SGCZ: variants seen among roughly 807,000 people sequenced by gnomAD.
The protein encoded by SGCZ is zeta-sarcoglycan.
In SGCZ, 40 loss-of-function variants were observed where a neutral mutation model predicts 41.3. The observed-to-expected ratio is 0.97, with a 90% CI of 0.75 to 1.26. SGCZ has a LOEUF of 1.26. Ranked by LOEUF, SGCZ falls within the 50% of genes most tolerant of loss-of-function variation. SGCZ has a pLI of 0.00. For missense variants in SGCZ, 552 were observed against 369.8 expected (o/e 1.49, Z -4.04); for synonymous variants, 206 against 137.5 (o/e 1.50, Z -3.49).
intron 1 of SGCZ, among the ~76,000 whole-genome samples, chr8:15,107,332 A>T (rs1050885039): frequency 1.7e-4 from 26 of 152,144 alleles, no homozygotes; most frequent in African/African-American, 4.8e-4. Context: ...CCCCAATGTG[A>T]TAATATTGGG....
At chr8:14,462,080 T>C (rs1800916578) in intron 2 of SGCZ, among the ~76,000 whole-genome samples, 1 of 152,096 alleles carries the variant, frequency 6.6e-6, no homozygotes, top group Admixed American at 6.6e-5. Flanking sequence ...CTCCTTAAAA[T>C]ATCATTCTAT....
At chr8:14,610,896 A>T (rs897691585) in intron 1 of SGCZ, among the ~76,000 whole-genome samples, 9 of 152,164 alleles carry the variant, frequency 5.9e-5, no homozygotes, top group Non-Finnish European at 1.0e-4. Flanking sequence ...ATATTTATGG[A>T]ATTGTAACCC....
chr8:14,778,876 G>C (rs143676875), intron 1 of SGCZ, among the ~76,000 whole-genome samples: 154 of 152,280 alleles, frequency 1.0e-3, no homozygotes, highest in African/African-American at 3.6e-3. Flanking sequence ...TTCCTGGAGT[G>C]TAAAGTTATA....
At chr8:14,792,794 C>G (rs532893279) in intron 1 of SGCZ, among the ~76,000 whole-genome samples, 1 of 152,130 alleles carries the variant, frequency 6.6e-6, no homozygotes, top group South Asian at 2.1e-4. Context: ...TTTCCATACC[C>G]TTCTGTTGCT....
chr8:14,374,082 G>A (rs1804014541), intron 2 of SGCZ, among the ~76,000 whole-genome samples: 1 of 152,156 alleles, frequency 6.6e-6, no homozygotes, highest in Non-Finnish European at 1.5e-5. Flanking sequence ...CTCAAGTAAG[G>A]TAAGAAACAC....
chr8:14,656,748 T>G (rs1166198932), intron 1 of SGCZ, among the ~76,000 whole-genome samples: 1 of 151,846 alleles, frequency 6.6e-6, no homozygotes, highest in Admixed American at 6.6e-5. Flanking sequence ...AACTGAAAGT[T>G]TGGGATTTAT....
chr8:15,065,430 T>A (rs1350771627), intron 1 of SGCZ, among the ~76,000 whole-genome samples: 3 of 145,696 alleles, frequency 2.1e-5, no homozygotes, highest in African/African-American at 5.1e-5. Context: ...TTATTATTAT[T>A]ATTATTATTA....
At chr8:14,915,486 T>G (rs1285127851) in intron 1 of SGCZ, among the ~76,000 whole-genome samples, 1 of 151,966 alleles carries the variant, frequency 6.6e-6, no homozygotes, top group Non-Finnish European at 1.5e-5. Context: ...CTTGCACGGG[T>G]GAATGCCAGA....
chr8:14,616,282 C>G (rs1260661909), intron 1 of SGCZ, among the ~76,000 whole-genome samples: 1 of 140,114 alleles, frequency 7.1e-6, no homozygotes, highest in Non-Finnish European at 1.5e-5. Context: ...GACTCTGTCT[C>G]AAAAAAAAAA....
intron 1 of SGCZ, among the ~76,000 whole-genome samples, chr8:14,733,763 A>G (rs1272368815): frequency 6.6e-6 from 1 of 152,218 alleles, no homozygotes; most frequent in African/African-American, 2.4e-5. Flanking sequence ...AAATGGTTCC[A>G]TAAGAAGCCA....
At chr8:14,630,377 C>T (rs770721492) in intron 1 of SGCZ, among the ~76,000 whole-genome samples, 12 of 151,714 alleles carry the variant, frequency 7.9e-5, no homozygotes, top group Non-Finnish European at 1.8e-4. Context: ...GGATTGGCTG[C>T]GATGGAGAGG....
chr8:14,123,800 C>T (rs569584436), intron 5 of SGCZ, among the ~76,000 whole-genome samples: 1 of 152,280 alleles, frequency 6.6e-6, no homozygotes, highest in East Asian at 1.9e-4. Context: ...TCACAGTTAA[C>T]AGGCAAAGGG....
intron 1 of SGCZ, among the ~76,000 whole-genome samples, chr8:14,612,649 C>G (rs1197392156): frequency 6.6e-6 from 1 of 152,120 alleles, no homozygotes; most frequent in Admixed American, 6.6e-5. Context: ...TCAAAGATAA[C>G]AGGAAGGAGT....
At chr8:14,724,666 A>C (rs1471086126) in intron 1 of SGCZ, among the ~76,000 whole-genome samples, 1 of 144,438 alleles carries the variant, frequency 6.9e-6, no homozygotes, top group African/African-American at 2.6e-5. Flanking sequence ...ACAGATTATA[A>C]ATAAAAGAGT....
At chr8:14,241,506 T>C (rs1052215560) in intron 3 of SGCZ, among the ~76,000 whole-genome samples, 1 of 148,388 alleles carries the variant, frequency 6.7e-6, no homozygotes, top group Admixed American at 6.8e-5. Flanking sequence ...TAAAACAATA[T>C]ATATAATATA....
At chr8:14,222,429 A>G (rs1210853550) in intron 4 of SGCZ, among the ~76,000 whole-genome samples, 1 of 151,922 alleles carries the variant, frequency 6.6e-6, no homozygotes, top group African/African-American at 2.4e-5. Flanking sequence ...CCGCCTCCCA[A>G]AGTGCTAAGA....
chr8:14,751,952 A>AAC (rs536622493), intron 1 of SGCZ, among the ~76,000 whole-genome samples: 2,591 of 147,946 alleles, frequency 0.018, 31 homozygotes, highest in South Asian at 0.053. Flanking sequence ...AAAACAAACA[A>AAC]AAAAAAAAAA....
At chr8:14,547,356 T>C (rs1476736963) in intron 2 of SGCZ, among the ~76,000 whole-genome samples, 2 of 152,202 alleles carry the variant, frequency 1.3e-5, no homozygotes, top group African/African-American at 4.8e-5. Context: ...TTTCATAATC[T>C]GCTTAGTGTC....
chr8:14,647,983 G>A (rs1807278555), intron 1 of SGCZ, among the ~76,000 whole-genome samples: 1 of 151,916 alleles, frequency 6.6e-6, no homozygotes, highest in South Asian at 2.1e-4. Context: ...AAGCACACCT[G>A]GAGTGGATTC....
Sources: allele counts gnomAD v4.1 joint callset (sites outside exome capture counted in the v4.1 genomes callset), GRCh38; gene constraint gnomAD v4.1.1; transcripts MANE v1.5; gene names NCBI Gene and HGNC (gene_info 2026-07-23, HGNC 2026-07-21).